The following TENM3 variants were observed in gnomAD, a reference collection of about 807,000 sequenced individuals.
TENM3 encodes the protein teneurin transmembrane protein 3.
Under a neutral mutation model 255.1 loss-of-function variants are expected in TENM3, and 63 were observed. The observed-to-expected ratio is 0.25, with a 90% CI of 0.20 to 0.30. The LOEUF is 0.30. Among genes scored for constraint, TENM3 ranks in the 10% least tolerant of loss-of-function variants. The pLI is 1.00. For missense variants in TENM3, 2,929 were observed against 3,461.1 expected (o/e 0.85, Z 3.86); for synonymous variants, 1,306 against 1,322.3 (o/e 0.99, Z 0.27).
the TENM3 span, among the ~76,000 whole-genome samples, chr4:181,616,314 TACACACACAC>T: frequency 1.7e-4 from 18 of 103,704 alleles, no homozygotes; most frequent in South Asian, 3.5e-4. Flanking sequence ...ACCCATAGAA[TACACACACAC>T]ACACACACAC....
chr4:182,427,153 A>T (rs1008031193), intron 3 of TENM3, among the ~76,000 whole-genome samples: 3 of 152,110 alleles, frequency 2.0e-5, no homozygotes, highest in African/African-American at 7.2e-5. Flanking sequence ...TTCACTTGGG[A>T]AAATATTCAA....
chr4:181,895,532 ATTTTTTTTTTTTTT>A, the TENM3 span, among the ~76,000 whole-genome samples: 5 of 41,466 alleles, frequency 1.2e-4, no homozygotes, highest in African/African-American at 1.9e-4. Flanking sequence ...TATCTGGCTG[ATTTTTTTTTTTTTT>A]TTTTTTTTTT....
chr4:181,593,997 T>C, the TENM3 span, among the ~76,000 whole-genome samples: 1 of 98,566 alleles, frequency 1.0e-5, no homozygotes, highest in Non-Finnish European at 2.4e-5. Flanking sequence ...TGCAGGAGTT[T>C]TTTTTTTTTT....
At chr4:182,388,530 A>C (rs1768171657) in intron 3 of TENM3, among the ~76,000 whole-genome samples, 1 of 152,168 alleles carries the variant, frequency 6.6e-6, no homozygotes, top group African/African-American at 2.4e-5. Context: ...AAACGGGTTA[A>C]AAGTACTTTG....
At chr4:182,277,245 GA>G (rs1760063418) in intron 1 of TENM3, among the ~76,000 whole-genome samples, 1 of 152,092 alleles carries the variant, frequency 6.6e-6, no homozygotes. Flanking sequence ...TGCCAGATTA[GA>G]TAGCAATGTT....
chr4:182,510,954 A>G (rs1001612105), intron 3 of TENM3, among the ~76,000 whole-genome samples: 1 of 152,156 alleles, frequency 6.6e-6, no homozygotes, highest in Non-Finnish European at 1.5e-5. Flanking sequence ...AAACCTTGAG[A>G]GATGAGGCAT....
chr4:181,680,743 T>G, the TENM3 span, among the ~76,000 whole-genome samples: 2 of 152,152 alleles, frequency 1.3e-5, no homozygotes, highest in Admixed American at 1.3e-4. Context: ...CAGTGCTAGA[T>G]ATGAGATATT....
intron 22 of TENM3, among the ~76,000 whole-genome samples, chr4:182,763,029 A>G (rs1225301725): frequency 6.6e-6 from 1 of 152,224 alleles, no homozygotes; most frequent in African/African-American, 2.4e-5. Context: ...ATTGATGTAA[A>G]GAAATACTCC....
rs536727622 is a variant in TENM3 at position 182,471,737 on chromosome 4, TAAG to T, written c.511+124811_511+124813del. Among the ~76,000 whole-genome samples, 490 of 152,262 alleles carry T rather than the reference TAAG, an allele frequency of 3.2e-3. 7 individuals carry two copies. The highest frequency in any genetic ancestry group is 0.011 in the African/African-American group (463 of 41,556). ...TAAACATGTCATGAAATAGTGTACT[TAAG>T]AAATAATCCGAGGTGAATAGATTAT... On this transcript the variant is annotated intron_variant, in intron 3 of 27. Transcript: ENST00000511685.
At chr4:182,486,866 G>A (rs1041230305) in intron 3 of TENM3, among the ~76,000 whole-genome samples, 1 of 152,188 alleles carries the variant, frequency 6.6e-6, no homozygotes, top group Non-Finnish European at 1.5e-5. Flanking sequence ...TTTAAGATGA[G>A]TCTAGTCCCT....
Position 182,673,094 on chromosome 4 carries a change from G to A in TENM3, c.1201G>A (p.Gly401Arg), listed in dbSNP as rs376900105. ...AAGAGCAATTCAAGAGATTCCTCCCGGGATCTTCTGGAGATCACAGCTCTT... is the reference window on the plus strand; with the variant it reads ...AAGAGCAATTCAAGAGATTCCTCCCAGGATCTTCTGGAGATCACAGCTCTT... ...GRRAIQEIPP[G>R]IFWRSQLFID... The change falls in exon 7 of 28, where the codon GGG becomes AGG. Residue 401 changes from glycine (G) to arginine (R), a missense_variant. Coordinates refer to ENST00000511685, the MANE Select transcript of TENM3 (RefSeq NM_001080477.4). 81 of 1,612,830 alleles carry A rather than the reference G, an allele frequency of 5.0e-5. No homozygotes were observed. Among genetic ancestry groups the A allele is most frequent in the Non-Finnish European group, 5.7e-5 (67 of 1,179,434 alleles).
intron 13 of TENM3, 123 bp downstream of exon 13, chr4:182,714,356 T>G: frequency 2.5e-6 from 2 of 791,480 alleles, no homozygotes; most frequent in Non-Finnish European, 3.8e-6. Context: ...CCCCATCGAT[T>G]AGATTGATTG....
intron 1 of TENM3, among the ~76,000 whole-genome samples, chr4:182,153,648 G>C (rs1167712685): frequency 1.3e-5 from 2 of 152,124 alleles, no homozygotes; most frequent in Non-Finnish European, 2.9e-5. Context: ...ATCTGAAGGA[G>C]AGGACTGAGT....
At chr4:181,458,292 G>C in the TENM3 span, among the ~76,000 whole-genome samples, 26 of 151,886 alleles carry the variant, frequency 1.7e-4, no homozygotes, top group Non-Finnish European at 3.7e-4. Context: ...GAAAAAAACT[G>C]ATCTTTGAGT....
At chr4:181,951,416 T>C in the TENM3 span, among the ~76,000 whole-genome samples, 6 of 152,204 alleles carry the variant, frequency 3.9e-5, no homozygotes, top group Non-Finnish European at 8.8e-5. Context: ...CAGACCTGAA[T>C]TATGCAACCT....
the TENM3 span, among the ~76,000 whole-genome samples, chr4:181,611,300 G>A: frequency 3.9e-4 from 59 of 152,264 alleles, no homozygotes; most frequent in South Asian, 3.9e-3. Flanking sequence ...TGGGCGTGCC[G>A]CAGACAATCC....
intron 3 of TENM3, among the ~76,000 whole-genome samples, chr4:182,367,565 T>C (rs144214536): frequency 6.6e-6 from 1 of 151,828 alleles, no homozygotes; most frequent in Non-Finnish European, 1.5e-5. Context: ...CAGGGCTCTG[T>C]AATGTGAGAG....
intron 1 of TENM3, among the ~76,000 whole-genome samples, chr4:182,154,891 A>T (rs1243612641): frequency 6.6e-6 from 1 of 152,234 alleles, no homozygotes; most frequent in Non-Finnish European, 1.5e-5. Flanking sequence ...ATGAAAGGAC[A>T]TTATATTATG....
At chr4:181,650,715 T>G in the TENM3 span, among the ~76,000 whole-genome samples, 225 of 152,308 alleles carry the variant, frequency 1.5e-3, 1 homozygote, top group African/African-American at 5.2e-3. Flanking sequence ...TAGAACTTTC[T>G]AGAAGAGCTA....
Sources: allele counts gnomAD v4.1 joint callset (sites outside exome capture counted in the v4.1 genomes callset), GRCh38; gene constraint gnomAD v4.1.1; transcripts MANE v1.5; gene names NCBI Gene and HGNC (gene_info 2026-07-23, HGNC 2026-07-21).